Variants in CATSPERD observed in about 807,000 individuals in gnomAD.
CATSPERD encodes cation channel sperm-associated auxiliary subunit delta.
Under a neutral mutation model 98.1 loss-of-function variants are expected in CATSPERD, and 86 were observed. The observed-to-expected ratio is 0.88, with a 90% CI of 0.74 to 1.05. The LOEUF is 1.05. Ranked by LOEUF, CATSPERD falls within the 50% of genes least tolerant of loss-of-function variation. CATSPERD has a pLI of 0.00. For synonymous variants in CATSPERD, 394 were observed against 390.2 expected (o/e 1.01, Z -0.12); for missense variants, 995 against 1,005.7 (o/e 0.99, Z 0.14).
At chr19:5,725,855 G>A (rs990242161) in intron 2 of CATSPERD, among the ~76,000 whole-genome samples, 63 of 151,938 alleles carry the variant, frequency 4.1e-4, no homozygotes, top group African/African-American at 1.0e-3. Flanking sequence ...AACCAAGATC[G>A]TGCCACTGCA....
intron 4 of CATSPERD, among the ~76,000 whole-genome samples, chr19:5,733,572 T>C (rs1454190544): frequency 4.0e-5 from 6 of 151,880 alleles, no homozygotes; most frequent in Non-Finnish European, 2.9e-5. Flanking sequence ...TTCTCCTGCC[T>C]CAGCCTCTCA....
In CATSPERD at chr19:5,737,138, G is replaced by T; in HGVS notation, c.392G>T (p.Gly131Val). ...TTTCAAAATTATATTTTCCTTTCAG[G>T]TATAAAACACCCTGTTACACATGTC... ...YENNSWSMSLGIKHPVTHVSG... is the reference protein window; with the variant it reads ...YENNSWSMSLVIKHPVTHVSG... The change falls in exon 6 of 22, where the codon GGT becomes GTT. Residue 131 changes from glycine to valine, a missense_variant and splice_region_variant. Around this residue, in one of 3 missense-constraint regions of CATSPERD, gnomAD observed 228 missense variants for 209.6 expected, o/e 1.09. Coordinates refer to ENST00000381624, the MANE Select transcript of CATSPERD (RefSeq NM_152784.4). The T allele has an allele frequency of 6.3e-7, 1 of 1,595,052 alleles. No homozygotes were observed. Among genetic ancestry groups the T allele is most frequent in the Non-Finnish European group, 8.6e-7 (1 of 1,163,646 alleles).
intron 18 of CATSPERD, 119 bp from the exon 19 acceptor site, chr19:5,770,825 A>G: frequency 1.6e-6 from 2 of 1,215,564 alleles, no homozygotes; most frequent in African/African-American, 1.5e-5. Flanking sequence ...CTCAGATGCC[A>G]CCTCCTGCCA....
intron 18 of CATSPERD, among the ~76,000 whole-genome samples, chr19:5,768,851 C>T (rs899501861): frequency 6.6e-6 from 1 of 151,970 alleles, no homozygotes; most frequent in Non-Finnish European, 1.5e-5. Flanking sequence ...TAAAAGACTA[C>T]CTGAGGCTGG....
chr19:5,756,134 A>G (rs1353147326), intron 13 of CATSPERD, among the ~76,000 whole-genome samples: 2 of 151,962 alleles, frequency 1.3e-5, no homozygotes, highest in Non-Finnish European at 1.5e-5. Context: ...TACAAAAATT[A>G]GCCGGGTGTG....
chr19:5,771,206 G>T lies in CATSPERD; in HGVS notation c.1763+134G>T, dbSNP rs566352403. 3.4e-3 allele frequency: 3,506 copies of T among 1,039,068 alleles called. 19 individuals carry two copies. The highest frequency in any genetic ancestry group is 3.4e-3 in the Non-Finnish European group (2,510 of 729,546). 64.4% of individuals were successfully genotyped at this position (1,039,068 alleles called of 1,614,324 possible). On this transcript the variant is annotated intron_variant, in intron 19 of 21. Coordinates refer to ENST00000381624, the MANE Select transcript of CATSPERD (RefSeq NM_152784.4). ...GATGATGGTCACTGTTTCCCACCGT[G>T]CTCCTGCCCCAGCCCCACTGGCCCC...
chr19:5,768,381 G>A (rs2056583747), intron 18 of CATSPERD, 139 bp downstream of exon 18: 3 of 453,746 alleles, frequency 6.6e-6, no homozygotes, highest in Admixed American at 8.7e-5. Context: ...CTGTCGCCCA[G>A]GCTGGAGTGC....
At chr19:5,756,314 AT>A (rs1431996765) in intron 13 of CATSPERD, among the ~76,000 whole-genome samples, 3 of 151,886 alleles carry the variant, frequency 2.0e-5, no homozygotes, top group Non-Finnish European at 2.9e-5. Flanking sequence ...ATAAATAAAA[AT>A]AAAAAATTTA....
chr19:5,754,556 G>A (rs935325419), intron 13 of CATSPERD, among the ~76,000 whole-genome samples: 3 of 151,744 alleles, frequency 2.0e-5, no homozygotes, highest in Admixed American at 6.6e-5. Context: ...GTGCCACCAC[G>A]CCTGGCTAAT....
In CATSPERD at chr19:5,745,948, G is replaced by C; in HGVS notation, c.693G>C (p.Arg231=). 6.2e-7 allele frequency: 1 copy of C among 1,614,084 alleles called. No individual in the cohort carries two copies. Among genetic ancestry groups the C allele is most frequent in the South Asian group, 1.1e-5 (1 of 91,070 alleles). ...AGTACTCAGATCACCCCCTCAACCG[G>C]AGTTTCGGGCTGTCTTTTGACTATA... is the stretch of plus-strand genomic sequence containing the variant. The part of the protein sequence containing the change: ...MFKYSDHPLN[R]SFGLSFDYNG... Residue 231 remains arginine (R), a synonymous_variant, in exon 9 of 22, where the codon CGG becomes CGC. Transcript: ENST00000381624.
intron 6 of CATSPERD, among the ~76,000 whole-genome samples, chr19:5,738,723 A>G (rs921211523): frequency 2.0e-5 from 3 of 152,106 alleles, no homozygotes; most frequent in African/African-American, 7.2e-5. Context: ...AGCTGGGACT[A>G]CAGGTACACA....
rs955902395 is a variant in CATSPERD, at chr19:5,757,736, C to CA, written c.1279-106dup. 3 of 768,240 alleles carry CA rather than the reference C, an allele frequency of 3.9e-6. No homozygotes were observed. In the African/African-American group the frequency reaches 5.3e-5, roughly 14 times the overall value. 47.6% of individuals were successfully genotyped at this position (768,240 alleles called of 1,614,324 possible). On this transcript the variant is annotated intron_variant, in intron 13 of 21. Coordinates refer to ENST00000381624, the MANE Select transcript of CATSPERD (RefSeq NM_152784.4). Reference sequence around the variant, plus strand: ...GATTACAGATATGAGCCACTACACCCAGCCCTGATTTTTCATTTGAAGGTG... The same window carrying CA: ...GATTACAGATATGAGCCACTACACCCAAGCCCTGATTTTTCATTTGAAGGTG...
At position 5,776,190 on chromosome 19, in the gene CATSPERD, C is replaced by T. The variant is rs2290778; in HGVS notation, c.1971C>T (p.Asn657=). The T allele has an allele frequency of 0.023, 37,740 of 1,614,236 alleles. 509 individuals are homozygous for T. Among genetic ancestry groups the T allele is most frequent in the South Asian group, 0.026 (2,343 of 91,092 alleles). Residue 657 remains asparagine, a synonymous_variant, in exon 21 of 22, where the codon AAC becomes AAT. Transcript: ENST00000381624. ...ENYVSCHDPN[N]NAPLRWPDVQ... is the part of the protein sequence containing the mutation. ...ATGTGAGCTGCCACGACCCCAACAA[C>T]AATGCCCCTTTGAGGTGGCCAGACG...
chr19:5,762,058 A>ATATATATTTTT, intron 15 of CATSPERD, among the ~76,000 whole-genome samples: 2 of 10,436 alleles, frequency 1.9e-4, no homozygotes, highest in African/African-American at 6.6e-4. Flanking sequence ...ATATATATAT[A>ATATATATTTTT]TTTTTTTTTT....
chr19:5,772,634 G>T (rs967736121), intron 19 of CATSPERD, among the ~76,000 whole-genome samples, 154 bp from the exon 20 acceptor site: 4 of 151,982 alleles, frequency 2.6e-5, no homozygotes, highest in Admixed American at 1.3e-4. Flanking sequence ...CCCACACACG[G>T]CATCCTCAGC....
At chr19:5,777,498 C>T (rs1301918175) in intron 21 of CATSPERD, among the ~76,000 whole-genome samples, 3 of 152,194 alleles carry the variant, frequency 2.0e-5, no homozygotes, top group East Asian at 1.9e-4. Context: ...TTGCCCCTTC[C>T]GCCCTCTCTA....
intron 12 of CATSPERD, chr19:5,753,391 T>C (rs1422946952): frequency 2.4e-5 from 4 of 168,140 alleles, no homozygotes; most frequent in Non-Finnish European, 5.2e-5. Context: ...ACCCCATCTC[T>C]ACCAAAAATA....
Position 5,755,508 on chromosome 19 carries a change from G to A in CATSPERD, c.1278+1263G>A, listed in dbSNP as rs562842385. Among the ~76,000 whole-genome samples, 250 of 152,170 alleles carry A rather than the reference G, an allele frequency of 1.6e-3. 1 individual carries two copies. Among genetic ancestry groups the A allele is most frequent in the African/African-American group, 5.2e-3 (217 of 41,536 alleles). On this transcript the variant is annotated intron_variant, in intron 13 of 21. Coordinates refer to ENST00000381624, the MANE Select transcript of CATSPERD (RefSeq NM_152784.4). ...ATGAGGGCCGGGCGCGGTGGCTCCC[G>A]CCCGTAATTTCAGTACTTCAGGAGG...
At chr19:5,731,951 TTTTG>T (rs1463838857) in intron 4 of CATSPERD, among the ~76,000 whole-genome samples, 4 of 151,792 alleles carry the variant, frequency 2.6e-5, no homozygotes, top group Non-Finnish European at 4.4e-5. Flanking sequence ...TTTTGTTTTG[TTTTG>T]TTTGTTTATT....
Sources: allele counts gnomAD v4.1 joint callset (sites outside exome capture counted in the v4.1 genomes callset), GRCh38; gene constraint gnomAD v4.1.1; regional missense constraint gnomAD v4.1.1; transcripts MANE v1.5; gene names NCBI Gene and HGNC (gene_info 2026-07-23, HGNC 2026-07-21).